Variants in EYS observed in about 807,000 individuals in gnomAD.
EYS encodes the protein EGF-like photoreceptor maintenance factor.
In EYS, 250 loss-of-function variants were observed where a neutral mutation model predicts 282.1. That is an observed-to-expected ratio of 0.89 (90% CI 0.80 to 0.98). EYS has a LOEUF of 0.98. Among genes scored for constraint, EYS ranks in the 50% least tolerant of loss-of-function variants. The probability of loss-of-function intolerance (pLI) is 0.00; values close to 1 mark genes in which losing one functional copy is unlikely to be tolerated. For synonymous variants in EYS, 1,355 were observed against 1,282.9 expected (o/e 1.06, Z -1.20); for missense variants, 4,016 against 3,709.0 (o/e 1.08, Z -2.15).
intron 33 of EYS, among the ~76,000 whole-genome samples, chr6:64,029,734 C>T (rs1483838678): frequency 6.6e-6 from 1 of 152,202 alleles, no homozygotes; most frequent in East Asian, 1.9e-4. Context: ...AGTGATGTCA[C>T]CATACTTGAA....
At chr6:64,883,328 TTTA>T (rs2150061227) in intron 19 of EYS, among the ~76,000 whole-genome samples, 2 of 151,658 alleles carry the variant, frequency 1.3e-5, no homozygotes, top group East Asian at 3.9e-4. Flanking sequence ...ATAATTATAT[TTTA>T]TTATTCTGAA....
At chr6:64,803,014 G>A (rs924797418) in intron 22 of EYS, among the ~76,000 whole-genome samples, 1 of 152,182 alleles carries the variant, frequency 6.6e-6, no homozygotes, top group Admixed American at 6.5e-5. Context: ...TGGACCAGAG[G>A]TACTGCACGT....
At chr6:64,721,424 G>A (rs192602602) in intron 22 of EYS, among the ~76,000 whole-genome samples, 26 of 152,204 alleles carry the variant, frequency 1.7e-4, no homozygotes, top group African/African-American at 5.3e-4. Context: ...TTCAAGAAAA[G>A]AATCTTTGGT....
chr6:65,703,401 TTGC>T (rs1769754038), intron 1 of EYS, among the ~76,000 whole-genome samples: 1 of 152,132 alleles, frequency 6.6e-6, no homozygotes, highest in Non-Finnish European at 1.5e-5. Context: ...ACTATGTTAG[TTGC>T]TAATTTCCAG....
At chr6:65,031,372 C>A (rs2150144061) in intron 13 of EYS, among the ~76,000 whole-genome samples, 1 of 151,982 alleles carries the variant, frequency 6.6e-6, no homozygotes, top group East Asian at 1.9e-4. Context: ...TACACTTGGA[C>A]AAATTGACCT....
At chr6:65,575,708 A>T (rs998849967) in intron 2 of EYS, among the ~76,000 whole-genome samples, 5 of 152,146 alleles carry the variant, frequency 3.3e-5, no homozygotes, top group African/African-American at 1.2e-4. Flanking sequence ...CTAGACCAAC[A>T]GGGAAAAAAA....
rs1562014368 is a variant in EYS at position 63,762,621 on chromosome 6, G to A, written c.7911C>T (p.Thr2637=). ...TGCAGAATGATCCTTTCCACCCAGT[G>A]GTACAATTGCAGCTGTGGGTTGAGA... ...ESGTSVYCNC[T]TGWKGSFCTE... The change falls in exon 41 of 43, where the codon ACC becomes ACT. Residue 2637 remains threonine, a synonymous_variant. Coordinates refer to ENST00000503581, the MANE Select transcript of EYS (RefSeq NM_001142800.2). 1 of 1,549,752 alleles carries A rather than the reference G, an allele frequency of 6.5e-7. No individual in the cohort carries two copies. Among genetic ancestry groups the A allele is most frequent in the South Asian group, 1.2e-5 (1 of 83,850 alleles).
chr6:65,201,804 A>G (rs1765908646), intron 12 of EYS, among the ~76,000 whole-genome samples: 1 of 152,094 alleles, frequency 6.6e-6, no homozygotes, highest in African/African-American at 2.4e-5. Context: ...GCCACACAAA[A>G]AAATGATTTT....
intron 30 of EYS, among the ~76,000 whole-genome samples, chr6:64,296,219 G>T (rs1561913213): frequency 6.6e-6 from 1 of 152,044 alleles, no homozygotes; most frequent in Non-Finnish European, 1.5e-5. Context: ...AAATATGTAT[G>T]TGTTGGGAGG....
chr6:63,788,783 T>C (rs1487369779), intron 38 of EYS, among the ~76,000 whole-genome samples: 1 of 152,202 alleles, frequency 6.6e-6, no homozygotes, highest in Non-Finnish European at 1.5e-5. Context: ...ATTGTTCTCT[T>C]TCTTAACTCC....
intron 19 of EYS, among the ~76,000 whole-genome samples, chr6:64,881,251 G>A (rs1253301464): frequency 1.3e-5 from 2 of 151,716 alleles, no homozygotes; most frequent in African/African-American, 4.8e-5. Flanking sequence ...CTTTCAATAT[G>A]AGAAGCCTAA....
At chr6:64,094,599 A>T (rs1772511191) in intron 31 of EYS, among the ~76,000 whole-genome samples, 1 of 151,976 alleles carries the variant, frequency 6.6e-6, no homozygotes, top group South Asian at 2.1e-4. Context: ...ATCTGTGGTG[A>T]TGTCCCCTTT....
chr6:65,464,558 A>C (rs998657669), intron 5 of EYS, among the ~76,000 whole-genome samples: 4 of 152,182 alleles, frequency 2.6e-5, no homozygotes, highest in Admixed American at 6.6e-5. Flanking sequence ...TCTTCTCATC[A>C]TCTAAAAGAA....
At chr6:63,857,454 G>A (rs1324461809) in intron 36 of EYS, 1 of 195,524 alleles carries the variant, frequency 5.1e-6, no homozygotes, top group Non-Finnish European at 1.1e-5. Flanking sequence ...GAGTATCTCT[G>A]GGCCAGTGTC....
chr6:64,797,843 C>T (rs1774405715), intron 22 of EYS, among the ~76,000 whole-genome samples: 1 of 151,854 alleles, frequency 6.6e-6, no homozygotes, highest in Admixed American at 6.6e-5. Context: ...TCTCTAAATC[C>T]ACAAATGCAA....
chr6:65,578,811 T>A (rs1764768537), intron 2 of EYS, among the ~76,000 whole-genome samples: 2 of 152,020 alleles, frequency 1.3e-5, no homozygotes, highest in South Asian at 4.1e-4. Flanking sequence ...CAAAATAACC[T>A]CATAAAAAAT....
chr6:64,666,677 G>A (rs1489645040), intron 22 of EYS, among the ~76,000 whole-genome samples: 1 of 152,030 alleles, frequency 6.6e-6, no homozygotes, highest in Non-Finnish European at 1.5e-5. Flanking sequence ...TGTGTTTCCA[G>A]TCCTAACTGC....
intron 21 of EYS, among the ~76,000 whole-genome samples, chr6:64,813,855 C>A (rs1764671917): frequency 6.6e-6 from 1 of 151,916 alleles, no homozygotes; most frequent in Non-Finnish European, 1.5e-5. Context: ...ACTGCCCCTG[C>A]CCCCAATAAT....
intron 35 of EYS, among the ~76,000 whole-genome samples, chr6:63,937,358 T>TC: frequency 2.3e-5 from 1 of 43,518 alleles, no homozygotes; most frequent in Non-Finnish European, 4.3e-5. Context: ...TTTTTTTTTT[T>TC]TTTTTTTTTT....
Sources: gnomAD v4.1 joint callset for allele counts (sites outside exome capture counted in the v4.1 genomes callset) on GRCh38, gnomAD v4.1.1 for gene constraint, MANE v1.5 for transcripts, NCBI Gene and HGNC (gene_info 2026-07-23, HGNC 2026-07-21) for gene names.